FRMD4A: variants seen among roughly 807,000 people sequenced by gnomAD.
The protein encoded by FRMD4A is FERM domain containing 4A.
In FRMD4A, 29 loss-of-function variants were observed where a neutral mutation model predicts 129.1. The ratio of observed to expected loss-of-function variants is 0.22; its 90% confidence interval spans 0.17 to 0.31. The LOEUF is 0.31. FRMD4A is among the 10% of genes least tolerant of loss of function. The pLI, the probability that FRMD4A is intolerant of heterozygous loss-of-function variation, is 1.00. For synonymous variants in FRMD4A, 634 were observed against 571.6 expected, an observed-to-expected ratio of 1.11 and a Z score of -1.56; for missense variants, 1,272 against 1,375.8, an observed-to-expected ratio of 0.92 and a Z score of 1.19.
chr10:13,891,131 C>A (rs902246758), intron 2 of FRMD4A, among the ~76,000 whole-genome samples: 9 of 152,082 alleles, frequency 5.9e-5, no homozygotes, highest in Non-Finnish European at 1.0e-4. Context: ...CCCTTCCGAG[C>A]GTCCGTTTTC....
rs532880251 is a variant in FRMD4A at position 13,816,817 on chromosome 10, A to G, written c.112-5909T>C. ...GGCCAGAAAGGCAGCTAGTAGCCCA[A>G]TCGCATTCTATTGGACAATCTGGGC... On this transcript the variant is annotated intron_variant, in intron 3 of 24. Transcript: ENST00000357447. Among the ~76,000 whole-genome samples, 17 of 152,296 alleles carry G rather than the reference A, an allele frequency of 1.1e-4. No homozygotes were observed. The South Asian group carries it at 3.5e-3, about 32-fold the overall frequency.
At chr10:14,253,983 A>C (rs1211931049) in intron 2 of FRMD4A, among the ~76,000 whole-genome samples, 3 of 152,088 alleles carry the variant, frequency 2.0e-5, no homozygotes, top group Non-Finnish European at 4.4e-5. Flanking sequence ...TCTGCAGACG[A>C]TACACTTTCT....
At chr10:14,093,829 C>T (rs1188082221) in intron 2 of FRMD4A, among the ~76,000 whole-genome samples, 1 of 152,218 alleles carries the variant, frequency 6.6e-6, no homozygotes, top group Non-Finnish European at 1.5e-5. Context: ...ATTAGATATC[C>T]TAGAATGTTT....
rs79504451 is a variant in FRMD4A at position 14,039,368 on chromosome 10, G to A, written c.46-180456C>T. On this transcript the variant is annotated intron_variant, in intron 2 of 24. Transcript: ENST00000357447. ...TGCTCACTTTCTGATCTGTCCGTCC[G>A]TCCATCCATCCATCCATCCATCCAT... Among the ~76,000 whole-genome samples the A allele has an allele frequency of 1.6e-3, 174 of 109,504 alleles. 2 individuals are homozygous for A. Among genetic ancestry groups the A allele is most frequent in the African/African-American group, 7.3e-3 (165 of 22,496 alleles). The allele number at this position is 109,504 out of a possible 152,430, so 71.8% of individuals were successfully genotyped here.
At chr10:13,728,388 A>T (rs2090062537) in intron 12 of FRMD4A, among the ~76,000 whole-genome samples, 1 of 151,560 alleles carries the variant, frequency 6.6e-6, no homozygotes, top group African/African-American at 2.4e-5. Flanking sequence ...TGCCTCCTGG[A>T]CCCATGGTCC....
At chr10:13,963,859 G>A (rs2095464393) in intron 2 of FRMD4A, among the ~76,000 whole-genome samples, 2 of 152,132 alleles carry the variant, frequency 1.3e-5, no homozygotes, top group Non-Finnish European at 1.5e-5. Context: ...CAGTGTTAGA[G>A]CATTAGGTTA....
chr10:14,193,412 C>T (rs1159637846), intron 2 of FRMD4A, among the ~76,000 whole-genome samples: 2 of 152,052 alleles, frequency 1.3e-5, no homozygotes, highest in African/African-American at 2.4e-5. Context: ...GGAAATGTCA[C>T]ATTTCATTGC....
intron 2 of FRMD4A, among the ~76,000 whole-genome samples, chr10:13,884,708 C>T (rs2094598044): frequency 6.6e-6 from 1 of 152,056 alleles, no homozygotes; most frequent in Non-Finnish European, 1.5e-5. Flanking sequence ...AGTGATAGAC[C>T]CTAATTCCTT....
At chr10:14,219,886 T>C (rs182486771) in intron 2 of FRMD4A, among the ~76,000 whole-genome samples, 142 of 152,346 alleles carry the variant, frequency 9.3e-4, no homozygotes, top group Non-Finnish European at 1.6e-3. Flanking sequence ...CCTGAAACCC[T>C]GAACTACTTG....
At position 13,771,856 on chromosome 10, in the gene FRMD4A, G is replaced by A. The variant is rs537357709; in HGVS notation, c.385-9176C>T. ...GCACTTTAGGAGGCCAAGGAAGGAG[G>A]ATCACTGGAGCCCTGGAGTTCAAGA... On this transcript the variant is annotated intron_variant, in intron 6 of 24. Coordinates refer to ENST00000357447, the MANE Select transcript of FRMD4A (RefSeq NM_018027.5). 2.7e-3 allele frequency among the ~76,000 whole-genome samples: 415 copies of A among 152,144 alleles called. 3 individuals carry two copies. The highest frequency in any genetic ancestry group is 9.5e-3 in the African/African-American group (393 of 41,490).
intron 2 of FRMD4A, among the ~76,000 whole-genome samples, chr10:14,105,040 C>T (rs749519970): frequency 6.6e-6 from 1 of 152,214 alleles, no homozygotes; most frequent in Non-Finnish European, 1.5e-5. Context: ...CTTCCATCAT[C>T]CCAGATCCTT....
chr10:13,684,952 C>A, intron 15 of FRMD4A: 3 of 984,526 alleles, frequency 3.0e-6, no homozygotes, highest in Non-Finnish European at 3.6e-6. Context: ...GCAGACATCC[C>A]AGGAATAAAT....
intron 2 of FRMD4A, among the ~76,000 whole-genome samples, chr10:14,091,712 C>G (rs1248326381): frequency 6.6e-6 from 1 of 152,218 alleles, no homozygotes; most frequent in African/African-American, 2.4e-5. Flanking sequence ...GGATTACAGG[C>G]GTGAGCCACC....
Position 14,058,524 on chromosome 10 carries a change from C to T in FRMD4A, c.46-199612G>A, listed in dbSNP as rs148932169. ...CATTCATATGCAAGACTCCATTTTCCATAGTGTGGTAAAAACTAGAAAAAA... is the reference window on the plus strand; with the variant it reads ...CATTCATATGCAAGACTCCATTTTCTATAGTGTGGTAAAAACTAGAAAAAA... On this transcript the variant is annotated intron_variant, in intron 2 of 24. Transcript: ENST00000357447. Among the ~76,000 whole-genome samples the T allele has an allele frequency of 2.8e-3, 425 of 152,192 alleles. 5 individuals carry two copies. The highest frequency in any genetic ancestry group is 9.8e-3 in the African/African-American group (406 of 41,510).
intron 2 of FRMD4A, among the ~76,000 whole-genome samples, chr10:13,904,333 TC>T (rs1485910070): frequency 6.6e-6 from 1 of 152,148 alleles, no homozygotes; most frequent in Non-Finnish European, 1.5e-5. Context: ...CCTCCCGTCC[TC>T]CCTGACACCT....
chr10:14,096,957 A>C (rs1169740510), intron 2 of FRMD4A: 1 of 152,064 alleles, frequency 6.6e-6, no homozygotes, highest in East Asian at 1.9e-4. Context: ...CAACATGGTG[A>C]AACCCCATCC....
chr10:14,197,231 A>G (rs1244371610), intron 2 of FRMD4A, among the ~76,000 whole-genome samples: 1 of 152,122 alleles, frequency 6.6e-6, no homozygotes, highest in Non-Finnish European at 1.5e-5. Context: ...ATACAGGCAA[A>G]TCGGGACCCC....
At chr10:13,730,845 C>T (rs1432043015) in intron 12 of FRMD4A, among the ~76,000 whole-genome samples, 12 of 87,500 alleles carry the variant, frequency 1.4e-4, no homozygotes, top group African/African-American at 4.1e-4. Flanking sequence ...GAAACCCAGT[C>T]TCTACTAAAA....
chr10:14,146,218 C>T (rs1840067906), intron 2 of FRMD4A, among the ~76,000 whole-genome samples: 1 of 152,182 alleles, frequency 6.6e-6, no homozygotes, highest in Non-Finnish European at 1.5e-5. Flanking sequence ...CAAACATCTG[C>T]TCCTGTCTTC....
Sources: gnomAD v4.1 joint callset for allele counts (sites outside exome capture counted in the v4.1 genomes callset) on GRCh38, gnomAD v4.1.1 for gene constraint, MANE v1.5 for transcripts, NCBI Gene and HGNC (gene_info 2026-07-23, HGNC 2026-07-21) for gene names.